Variants in EFHD2 observed in about 807,000 individuals in gnomAD.
EFHD2 encodes the protein EF-hand domain-containing protein D2.
In EFHD2, 12 loss-of-function variants were observed where a neutral mutation model predicts 20.3. The observed-to-expected ratio is 0.59, with a 90% CI of 0.38 to 0.96. The LOEUF (loss-of-function observed/expected upper bound fraction) is 0.96. EFHD2 is among the 40% of genes least tolerant of loss of function. The probability of loss-of-function intolerance (pLI) is 0.00; values close to 1 mark genes in which losing one functional copy is unlikely to be tolerated. For missense variants in EFHD2, 250 were observed against 334.3 expected, an observed-to-expected ratio of 0.75 and a Z score of 1.97; for synonymous variants, 131 against 143.9, an observed-to-expected ratio of 0.91 and a Z score of 0.64.
chr1:15,422,942 G>A (rs1014196582), intron 1 of EFHD2, among the ~76,000 whole-genome samples: 6 of 151,108 alleles, frequency 4.0e-5, no homozygotes, highest in Non-Finnish European at 5.9e-5. Context: ...GACTGTCATC[G>A]CTGACCTTGG....
At chr1:15,415,490 C>CT (rs775986699) in intron 1 of EFHD2, among the ~76,000 whole-genome samples, 14,504 of 138,278 alleles carry the variant, frequency 0.1, 854 homozygotes, top group East Asian at 0.17. Flanking sequence ...CTTTGTTTTC[C>CT]TTTTTTTTTT....
At chr1:15,423,688 G>A (rs1303014246) in intron 1 of EFHD2, among the ~76,000 whole-genome samples, 1 of 152,194 alleles carries the variant, frequency 6.6e-6, no homozygotes, top group Non-Finnish European at 1.5e-5. Context: ...TTGCTATTAG[G>A]TGTTCAAAGT....
chr1:15,416,861 G>A (rs1031694935), intron 1 of EFHD2, among the ~76,000 whole-genome samples: 4 of 152,044 alleles, frequency 2.6e-5, no homozygotes, highest in African/African-American at 9.7e-5. Context: ...CTCAGACCAA[G>A]TGCAGTGGTA....
intron 1 of EFHD2, among the ~76,000 whole-genome samples, chr1:15,419,139 GAGGGGC>G (rs1320246339): frequency 2.0e-5 from 3 of 152,234 alleles, no homozygotes; most frequent in Non-Finnish European, 2.9e-5. Flanking sequence ...GAACTGGGGA[GAGGGGC>G]AGGGGCAGGG....
In EFHD2 at chr1:15,426,037, C is replaced by T; in HGVS notation, c.456+19C>T. The T allele has an allele frequency of 6.4e-7, 1 of 1,554,856 alleles. No homozygotes were observed. The highest frequency in any genetic ancestry group is 2.4e-5 in the East Asian group (1 of 40,992). On this transcript the variant is annotated intron_variant, in intron 2 of 3. Transcript: ENST00000375980. This position sits in a 1 kb window ranked among gnomAD's most constrained non-coding sequence, Gnocchi z 4.6. The stretch of plus-strand genomic sequence containing the variant: ...CCGGGAGGTAAGCCCGGCCCCCAGC[C>T]CCACTCCCCTACCAGGGGCTTCACC...
intron 1 of EFHD2, among the ~76,000 whole-genome samples, chr1:15,412,891 G>A (rs6676602): frequency 0.028 from 4,265 of 152,320 alleles, 174 homozygotes; most frequent in African/African-American, 0.092. Flanking sequence ...GCTACCCCTT[G>A]GCACCTGCAC....
rs974267547 is a variant in EFHD2, at chr1:15,422,590, G to A, written c.309-3281G>A. On this transcript the variant is annotated intron_variant, in intron 1 of 3. Coordinates refer to ENST00000375980, the MANE Select transcript of EFHD2 (RefSeq NM_024329.6). ...GAGATGCTGCATTTTGGCCAGGTGC[G>A]GTGGCTCACACCTGTAATCTCAGCA... is the stretch of plus-strand genomic sequence containing the variant. 1.1e-4 allele frequency among the ~76,000 whole-genome samples: 16 copies of A among 151,946 alleles called. No homozygotes were observed. The South Asian group carries it at 2.1e-3, about 20-fold the overall frequency.
At chr1:15,420,508 A>T (rs1707770992) in intron 1 of EFHD2, among the ~76,000 whole-genome samples, 1 of 151,126 alleles carries the variant, frequency 6.6e-6, no homozygotes, top group African/African-American at 2.5e-5. Flanking sequence ...CGCCCAGCTA[A>T]TTATTTATTT....
At chr1:15,422,786 A>G (rs2496311) in intron 1 of EFHD2, among the ~76,000 whole-genome samples, 14,098 of 152,174 alleles carry the variant, frequency 0.093, 1,701 homozygotes, top group African/African-American at 0.28. Context: ...GAGTGAACCC[A>G]GGAGGCAGAG....
intron 1 of EFHD2, among the ~76,000 whole-genome samples, chr1:15,414,587 T>C (rs1300604008): frequency 6.6e-6 from 1 of 152,254 alleles, no homozygotes; most frequent in Admixed American, 6.5e-5. Flanking sequence ...GGGCCCCTCA[T>C]AGGGCCCTGG....
intron 1 of EFHD2, among the ~76,000 whole-genome samples, chr1:15,418,788 A>C (rs915260417): frequency 6.6e-6 from 1 of 152,216 alleles, no homozygotes; most frequent in Non-Finnish European, 1.5e-5. Context: ...CTGTGTCCTG[A>C]TAGGCATCAG....
At position 15,428,987 on chromosome 1, in the gene EFHD2, A is replaced by G; in HGVS notation, c.*263A>G. ...CCTGGCAATCCCTGGGCTCTCTTGC[A>G]CCCCTAACTGCCCCCTGCCTGCTCC... On this transcript the variant is annotated 3_prime_UTR_variant, in exon 4 of 4. Coordinates refer to ENST00000375980, the MANE Select transcript of EFHD2 (RefSeq NM_024329.6). 1 of 461,652 alleles carries G rather than the reference A, an allele frequency of 2.2e-6. No homozygotes were observed. Among genetic ancestry groups the G allele is most frequent in the South Asian group, 2.1e-5 (1 of 47,188 alleles). The allele number at this position is 461,652 out of a possible 1,614,324, so 28.6% of individuals were successfully genotyped here.
At chr1:15,422,948 C>T (rs1707818580) in intron 1 of EFHD2, among the ~76,000 whole-genome samples, 1 of 140,438 alleles carries the variant, frequency 7.1e-6, no homozygotes, top group African/African-American at 3.3e-5. Flanking sequence ...CATCGCTGAC[C>T]TTGGGAGCCC....
At chr1:15,418,126 A>C (rs1707712694) in intron 1 of EFHD2, among the ~76,000 whole-genome samples, 1 of 148,250 alleles carries the variant, frequency 6.7e-6, no homozygotes, top group South Asian at 2.1e-4. Flanking sequence ...AGTAGCTGGG[A>C]TTACAGGCAT....
At chr1:15,427,312 C>T in intron 3 of EFHD2, 28 bp downstream of exon 3, 1 of 1,593,164 alleles carries the variant, frequency 6.3e-7, no homozygotes. Context: ...TGCCCTGACC[C>T]ACGCTCCAGG....
At chr1:15,419,899 C>T (rs777922251) in intron 1 of EFHD2, among the ~76,000 whole-genome samples, 4 of 152,226 alleles carry the variant, frequency 2.6e-5, no homozygotes, top group Admixed American at 6.5e-5. Context: ...GAAGGTTCCT[C>T]GCTCCCTGAG....
At chr1:15,425,335 G>T (rs140996953) in intron 1 of EFHD2, among the ~76,000 whole-genome samples, 1 of 152,090 alleles carries the variant, frequency 6.6e-6, no homozygotes. Flanking sequence ...GACCAGCCTG[G>T]CCAGCATGGT....
intron 1 of EFHD2, 120 bp from the exon 2 acceptor site, chr1:15,425,751 A>G: frequency 7.1e-7 from 1 of 1,402,604 alleles, no homozygotes; most frequent in Non-Finnish European, 9.6e-7. Flanking sequence ...CCCTTCCAAC[A>G]GTGACGGGAT....
chr1:15,425,418 A>G (rs1707857595), intron 1 of EFHD2, among the ~76,000 whole-genome samples: 1 of 151,924 alleles, frequency 6.6e-6, no homozygotes, highest in Non-Finnish European at 1.5e-5. Flanking sequence ...CCAGCTACTC[A>G]AGAGGCTGAG....
Sources: gnomAD v4.1 joint callset for allele counts (sites outside exome capture counted in the v4.1 genomes callset) on GRCh38, gnomAD v4.1.1 for gene constraint, Gnocchi (gnomAD v3.1) non-coding constraint, MANE v1.5 for transcripts, NCBI Gene and HGNC (gene_info 2026-07-23, HGNC 2026-07-21) for gene names.